Variants in PINLYP observed in about 807,000 individuals in gnomAD.
PINLYP encodes phospholipase A2 inhibitor and Ly6/PLAUR domain-containing protein.
In PINLYP, 12 loss-of-function variants were observed where a neutral mutation model predicts 15.8. The observed-to-expected ratio is 0.76, with a 90% CI of 0.49 to 1.23. PINLYP has a LOEUF of 1.23. Ranked by LOEUF, PINLYP falls within the 50% of genes most tolerant of loss-of-function variation. The pLI is 0.00. For missense variants in PINLYP, 278 were observed against 264.2 expected (o/e 1.05, Z -0.36); for synonymous variants, 93 against 97.7 (o/e 0.95, Z 0.28).
chr19:43,576,892 C>A, exon 1 of PINLYP: 1 of 361,136 alleles, frequency 2.8e-6, no homozygotes, highest in Non-Finnish European at 4.8e-6. Context: ...TTCAAGCAAA[C>A]AAACAAACAA....
chr19:43,580,736 G>C (rs1306548660), intron 3 of PINLYP: 16 of 959,396 alleles, frequency 1.7e-5, no homozygotes, highest in Non-Finnish European at 1.9e-5. Context: ...GGGAGGGAGG[G>C]CTACCTAAGA....
rs925794503 is a variant in PINLYP, at chr19:43,577,208, G to C, written c.17G>C (p.Arg6Thr). ...ACACACACCATGAGGCTCTCCAGGA[G>C]ACCAGAGACCTTTCTGCTGGCCTTT... The change falls in exon 2 of 6, where the codon AGA (arginine) becomes ACA (threonine). Residue 6 changes from arginine to threonine, a missense_variant. Physicochemically the swap from Arg to Thr is moderately conservative, Grantham distance 71. Transcript: ENST00000599207. 2.0e-6 allele frequency: 3 copies of C among 1,536,008 alleles called. No individual in the cohort carries two copies. Among genetic ancestry groups the C allele is most frequent in the Non-Finnish European group, 2.6e-6 (3 of 1,146,904 alleles).
chr19:43,581,466 T>C (rs1260141359), intron 4 of PINLYP, 97 bp from the exon 5 acceptor site: 10 of 1,508,390 alleles, frequency 6.6e-6, no homozygotes, highest in Non-Finnish European at 8.8e-6. Context: ...TAAAATGCAG[T>C]GTCTATTAGC....
exon 5 of PINLYP, chr19:43,581,671 A>C: frequency 6.5e-7 from 1 of 1,536,434 alleles, no homozygotes; most frequent in Non-Finnish European, 8.7e-7. Flanking sequence ...AAGGAAAACC[A>C]CTGCGTCTCC....
In PINLYP at chr19:43,576,610, G is replaced by A. The variant is rs938846103; in HGVS notation, c.-387G>A. 2.0e-5 allele frequency among the ~76,000 whole-genome samples: 3 copies of A among 152,158 alleles called. No homozygotes were observed. The highest frequency in any genetic ancestry group is 7.2e-5 in the African/African-American group (3 of 41,414). ...CGACAGACATCCCTCTGTTCATTCG[G>A]TGCCTTGGAGACCCAAGGGTGCAGC... is the stretch of plus-strand genomic sequence containing the variant. On this transcript the variant is annotated 5_prime_UTR_variant, in exon 1 of 6. The change creates a new upstream start codon in the 5' untranslated region. Transcript: ENST00000599207.
At chr19:43,581,674 G>A in exon 5 of PINLYP, 1 of 1,536,418 alleles carries the variant, frequency 6.5e-7, no homozygotes, top group Non-Finnish European at 8.7e-7. Context: ...GAAAACCACT[G>A]CGTCTCCTTA....
At chr19:43,580,796 G>T (rs1478830623) in intron 3 of PINLYP, 1 of 741,886 alleles carries the variant, frequency 1.3e-6, no homozygotes, top group Non-Finnish European at 1.7e-6. Flanking sequence ...GGCTCTAGGG[G>T]GCTTGAAAGA....
At chr19:43,578,851 C>A (rs891180810) in intron 3 of PINLYP, 145 bp downstream of exon 3, 6 of 637,796 alleles carry the variant, frequency 9.4e-6, no homozygotes, top group Non-Finnish European at 1.1e-5. Flanking sequence ...GAGGGAAAGA[C>A]CATCATGAGA....
At chr19:43,581,768 G>A (rs996090293) in intron 5 of PINLYP, 65 bp downstream of exon 5, 55 of 1,533,460 alleles carry the variant, frequency 3.6e-5, no homozygotes, top group Non-Finnish European at 4.7e-5. Flanking sequence ...TAGGTTCGAT[G>A]GGAGGAGAGG....
chr19:43,578,469 C>A (rs80129409), intron 2 of PINLYP, 121 bp from the exon 3 acceptor site: 1 of 664,316 alleles, frequency 1.5e-6, no homozygotes, highest in Non-Finnish European at 2.6e-6. Flanking sequence ...ACATCCCGCC[C>A]ATGAAAAACC....
At position 43,577,352 on chromosome 19, in the gene PINLYP, C is replaced by G. The variant is rs150323253; in HGVS notation, c.70+91C>G. 5.8e-5 allele frequency: 73 copies of G among 1,251,182 alleles called. No homozygotes were observed. The African/African-American group carries it at 9.3e-4, about 16-fold the overall frequency. The allele number at this position is 1,251,182 out of a possible 1,614,324, so 77.5% of individuals were successfully genotyped here. A position where few individuals can be genotyped will look rare whatever the true frequency, so the allele number is the denominator to read the frequency against. On this transcript the variant is annotated intron_variant, in intron 2 of 5. Transcript: ENST00000599207. ...GAGAGAGATATAGAGAGAGAAAGAG[C>G]CTTCAGCAAGTCCTCAAGGTGAACG...
chr19:43,581,375 C>CGTGGTGT lies in PINLYP; in HGVS notation c.340+22_340+28dup. On this transcript the variant is annotated intron_variant, in intron 4 of 5. Transcript: ENST00000599207. ...GTGCCTTTTTGTCTGGTAAGAAGCCCGTGGTGTGTGGTGTGTGCTCTGGCT... is the reference window on the plus strand; with the variant it reads ...GTGCCTTTTTGTCTGGTAAGAAGCCCGTGGTGTGTGGTGTGTGGTGTGTGCTCTGGCT... 1 of 1,536,482 alleles carries CGTGGTGT rather than the reference C, an allele frequency of 6.5e-7. No homozygotes were observed. Among genetic ancestry groups the CGTGGTGT allele is most frequent in the Non-Finnish European group, 8.7e-7 (1 of 1,146,850 alleles).
At chr19:43,582,029 G>A in exon 6 of PINLYP, 1 of 1,535,094 alleles carries the variant, frequency 6.5e-7, no homozygotes, top group Non-Finnish European at 8.7e-7. Context: ...GGAAGATAAT[G>A]TAGTGTGAAG....
At chr19:43,578,289 C>T (rs917844236) in intron 2 of PINLYP, among the ~76,000 whole-genome samples, 1 of 152,172 alleles carries the variant, frequency 6.6e-6, no homozygotes, top group Non-Finnish European at 1.5e-5. Flanking sequence ...CCATCACGAC[C>T]CCTCCCTGCC....
Position 43,581,608 on chromosome 19 carries a change from G to T in PINLYP, c.386G>T (p.Cys129Phe), listed in dbSNP as rs1369982694. 4 of 1,536,652 alleles carry T rather than the reference G, an allele frequency of 2.6e-6. No homozygotes were observed. In the South Asian group the frequency reaches 4.8e-5, roughly 18 times the overall value. ...GAGAATGGCCTGATGTGCCCCGCCT[G>T]CACTGCGAGCTTCAGGGACAAATGC... Residue 129 changes from cysteine to phenylalanine, a missense_variant, in exon 5 of 6, where the codon TGC becomes TTC. Coordinates refer to ENST00000599207, the Ensembl canonical transcript of PINLYP.
intron 3 of PINLYP, chr19:43,579,062 T>G: frequency 1.1e-5 from 3 of 282,814 alleles, no homozygotes; most frequent in Non-Finnish European, 2.1e-5. Context: ...GAGGTGGAAA[T>G]GGTGGGGAGT....
intron 3 of PINLYP, chr19:43,579,203 C>A (rs866561183): frequency 5.9e-6 from 1 of 169,344 alleles, no homozygotes; most frequent in Non-Finnish European, 1.3e-5. Context: ...AAAGGGATCA[C>A]CCCAAACAGG....
At chr19:43,577,594 T>C (rs895855416) in intron 2 of PINLYP, among the ~76,000 whole-genome samples, 1 of 126,482 alleles carries the variant, frequency 7.9e-6, no homozygotes, top group African/African-American at 2.7e-5. Context: ...TTTAAAAATA[T>C]AATTAAAAAA....
At chr19:43,575,592 A>T (rs568542703), upstream of PINLYP, 19 of 925,716 alleles carry the variant, frequency 2.1e-5, no homozygotes, top group East Asian at 5.2e-4. Flanking sequence ...CGGGCCTTTC[A>T]AACCCCGGCG....
Sources: allele counts gnomAD v4.1 joint callset (sites outside exome capture counted in the v4.1 genomes callset), GRCh38; gene constraint gnomAD v4.1.1; transcripts MANE v1.5; gene names NCBI Gene and HGNC (gene_info 2026-07-23, HGNC 2026-07-21).